SNTG1: variants seen among roughly 807,000 people sequenced by gnomAD.
SNTG1 encodes the protein syntrophin gamma 1.
A neutral mutation model predicts 74.7 loss-of-function variants in SNTG1; 39 were observed. That is an observed-to-expected ratio of 0.52 (90% CI 0.40 to 0.68). The LOEUF (loss-of-function observed/expected upper bound fraction) is 0.68, where lower values mean the gene tolerates loss of function less well. SNTG1 is among the 30% of genes least tolerant of loss of function. The pLI, the probability that SNTG1 is intolerant of heterozygous loss-of-function variation, is 0.00. For synonymous variants in SNTG1, 254 were observed against 217.1 expected (o/e 1.17, Z -1.49); for missense variants, 685 against 609.5 (o/e 1.12, Z -1.30).
chr8:50,060,542 G>T (rs1773269205), intron 1 of SNTG1, among the ~76,000 whole-genome samples: 1 of 151,888 alleles, frequency 6.6e-6, no homozygotes, highest in South Asian at 2.1e-4. Context: ...GATTTATGGG[G>T]ATTTCTTCCC....
chr8:50,148,502 C>T (rs1218173652), intron 1 of SNTG1, among the ~76,000 whole-genome samples: 1 of 152,166 alleles, frequency 6.6e-6, no homozygotes, highest in African/African-American at 2.4e-5. Flanking sequence ...TGGTGTGCTG[C>T]ACCCATTAAC....
intron 1 of SNTG1, among the ~76,000 whole-genome samples, chr8:50,101,203 C>A (rs2080111229): frequency 6.6e-6 from 1 of 151,962 alleles, no homozygotes; most frequent in Admixed American, 6.6e-5. Context: ...TAGGTTTATG[C>A]TATGTCTTTG....
chr8:50,295,167 G>C (rs2089304770), intron 2 of SNTG1, among the ~76,000 whole-genome samples: 1 of 152,096 alleles, frequency 6.6e-6, no homozygotes. Flanking sequence ...TCAAACCTAA[G>C]GACAAAGTAC....
chr8:50,475,222 TATAATA>T (rs144285770), intron 8 of SNTG1, among the ~76,000 whole-genome samples: 384 of 149,262 alleles, frequency 2.6e-3, no homozygotes, highest in African/African-American at 8.2e-3. Context: ...AAACTTAAAG[TATAATA>T]ATAATAATAA....
At chr8:50,252,512 T>C (rs1007103185) in intron 2 of SNTG1, among the ~76,000 whole-genome samples, 12 of 151,998 alleles carry the variant, frequency 7.9e-5, no homozygotes, top group Admixed American at 7.9e-4. Flanking sequence ...AAATCAGAGA[T>C]AAAATTGAAA....
intron 1 of SNTG1, among the ~76,000 whole-genome samples, chr8:49,987,257 G>C (rs1299592274): frequency 6.6e-6 from 1 of 152,060 alleles, no homozygotes; most frequent in East Asian, 1.9e-4. Context: ...GAAAAATTAA[G>C]AGTATAAATA....
At chr8:49,959,889 C>T (rs2129691577) in intron 1 of SNTG1, among the ~76,000 whole-genome samples, 1 of 152,274 alleles carries the variant, frequency 6.6e-6, no homozygotes, top group Middle Eastern at 3.4e-3. Flanking sequence ...CATTTGAATC[C>T]TTTAAGGTAA....
intron 13 of SNTG1, among the ~76,000 whole-genome samples, chr8:50,630,832 T>C (rs944911538): frequency 1.3e-5 from 2 of 152,176 alleles, no homozygotes; most frequent in African/African-American, 4.8e-5. Context: ...AGAGATAACT[T>C]GTCCTTTGGA....
intron 11 of SNTG1, among the ~76,000 whole-genome samples, chr8:50,544,860 G>T (rs2130510199): frequency 6.6e-6 from 1 of 152,070 alleles, no homozygotes; most frequent in African/African-American, 2.4e-5. Flanking sequence ...CAGACTAGTA[G>T]TAGTAGATTC....
chr8:50,552,961 A>T, intron 11 of SNTG1, 89 bp from the exon 12 acceptor site: 1 of 1,482,122 alleles, frequency 6.7e-7, no homozygotes, highest in Non-Finnish European at 9.2e-7. Context: ...ATATTGTATG[A>T]AAGATAAGCT....
At chr8:50,299,439 G>A (rs542824086) in intron 2 of SNTG1, among the ~76,000 whole-genome samples, 2 of 152,222 alleles carry the variant, frequency 1.3e-5, no homozygotes, top group East Asian at 1.9e-4. Flanking sequence ...GGGCATTCAA[G>A]TAAACTCTTT....
At chr8:50,212,559 G>A (rs1021966328) in intron 2 of SNTG1, among the ~76,000 whole-genome samples, 14 of 152,196 alleles carry the variant, frequency 9.2e-5, no homozygotes, top group African/African-American at 3.4e-4. Flanking sequence ...AGGGGGAGAT[G>A]AGCAAGAAAA....
At chr8:50,693,232 C>T (rs1480945889) in intron 15 of SNTG1, among the ~76,000 whole-genome samples, 2 of 152,144 alleles carry the variant, frequency 1.3e-5, no homozygotes, top group Admixed American at 1.3e-4. Context: ...CCTGCTTCGG[C>T]TTGTGCACAG....
chr8:50,322,403 A>G (rs1246085049), intron 2 of SNTG1, among the ~76,000 whole-genome samples: 2 of 152,036 alleles, frequency 1.3e-5, no homozygotes, highest in Non-Finnish European at 1.5e-5. Flanking sequence ...GCTGCCAGCT[A>G]TATTGGAGCT....
intron 2 of SNTG1, among the ~76,000 whole-genome samples, chr8:50,294,772 T>C (rs76455612): frequency 0.015 from 2,349 of 152,286 alleles, 61 homozygotes; most frequent in African/African-American, 0.054. Context: ...CTCAGCCAAA[T>C]TGACAATAAA....
chr8:50,679,343 C>T (rs1385219139), intron 15 of SNTG1, among the ~76,000 whole-genome samples: 1 of 152,032 alleles, frequency 6.6e-6, no homozygotes, highest in Non-Finnish European at 1.5e-5. Context: ...CTGATGTTAC[C>T]TGAACTTGAA....
rs534807196 is a variant in SNTG1, at chr8:50,774,569, C to A, written c.1396-18102C>A. Among the ~76,000 whole-genome samples, 150 of 151,806 alleles carry A rather than the reference C, an allele frequency of 9.9e-4. 1 individual carries two copies. The highest frequency in any genetic ancestry group is 3.5e-3 in the African/African-American group (146 of 41,484). ...CATATAAAAAAAAGAACATTTGCCA[C>A]TAGTAAATATACACTACAGAAAATA... is the stretch of plus-strand genomic sequence containing the variant. On this transcript the variant is annotated intron_variant, in intron 18 of 18. Transcript: ENST00000642720.
intron 13 of SNTG1, among the ~76,000 whole-genome samples, chr8:50,624,323 A>C (rs1431944859): frequency 1.4e-5 from 2 of 140,084 alleles, no homozygotes; most frequent in East Asian, 1.9e-4. Context: ...AGAAAAACAA[A>C]AAAAAAAATT....
intron 17 of SNTG1, among the ~76,000 whole-genome samples, chr8:50,746,001 G>C (rs2095554304): frequency 6.6e-6 from 1 of 151,796 alleles, no homozygotes; most frequent in Non-Finnish European, 1.5e-5. Context: ...AATCATACAT[G>C]TAAAAATCAT....
Sources: gnomAD v4.1 joint callset for allele counts (sites outside exome capture counted in the v4.1 genomes callset) on GRCh38, gnomAD v4.1.1 for gene constraint, MANE v1.5 for transcripts, NCBI Gene and HGNC (gene_info 2026-07-23, HGNC 2026-07-21) for gene names.